Variants in HCRTR2 observed in about 807,000 individuals in gnomAD.
HCRTR2 encodes orexin receptor type 2.
A neutral mutation model predicts 49.0 loss-of-function variants in HCRTR2; 22 were observed. That is an observed-to-expected ratio of 0.45 (90% CI 0.32 to 0.64). HCRTR2 has a LOEUF of 0.64. Among genes scored for constraint, HCRTR2 ranks in the 30% least tolerant of loss-of-function variants. The pLI, the probability that HCRTR2 is intolerant of heterozygous loss-of-function variation, is 0.04. For missense variants in HCRTR2, 491 were observed against 559.4 expected, an observed-to-expected ratio of 0.88 and a Z score of 1.23; for synonymous variants, 236 against 205.3, an observed-to-expected ratio of 1.15 and a Z score of -1.28.
chr6:55,133,391 AC>A (rs796455558), intron 1 of HCRTR2, among the ~76,000 whole-genome samples: 39 of 135,400 alleles, frequency 2.9e-4, no homozygotes, highest in African/African-American at 6.7e-4. Context: ...ACACAAAAAA[AC>A]ACACACACAC....
intron 1 of HCRTR2, chr6:55,240,707 CT>C: frequency 5.8e-6 from 2 of 342,164 alleles, no homozygotes; most frequent in Non-Finnish European, 5.8e-6. Context: ...TTTGTTTTAC[CT>C]TTTTAAGATA....
rs182708313 is a variant in HCRTR2 at position 55,207,966 on chromosome 6, T to C, written c.223+33156T>C. Among the ~76,000 whole-genome samples the C allele has an allele frequency of 5.9e-5, 9 of 152,324 alleles. No homozygotes were observed. The East Asian group carries it at 1.5e-3, about 26-fold the overall frequency. ...CCTAGAACAAATTTAGCTTTTAATA[T>C]CTTGTCAACTTTTTTGTTTTAGTAT... On this transcript the variant is annotated intron_variant, in intron 1 of 6. Transcript: ENST00000370862.
At chr6:55,169,941 A>G (rs1764924938), upstream of HCRTR2, among the ~76,000 whole-genome samples, 2 of 152,066 alleles carry the variant, frequency 1.3e-5, no homozygotes, top group South Asian at 2.1e-4. Flanking sequence ...TGAAATGCAT[A>G]TAGAAAGTTA....
chr6:55,227,565 A>C (rs1213687354), intron 1 of HCRTR2, among the ~76,000 whole-genome samples: 1 of 152,232 alleles, frequency 6.6e-6, no homozygotes, highest in Non-Finnish European at 1.5e-5. Flanking sequence ...CCTGTGTATT[A>C]CATACAATCA....
At chr6:55,251,528 A>G (rs1581857551) in intron 2 of HCRTR2, among the ~76,000 whole-genome samples, 2 of 151,770 alleles carry the variant, frequency 1.3e-5, no homozygotes, top group South Asian at 4.2e-4. Flanking sequence ...GATTTTTTTT[A>G]ACTGCAGAAG....
intron 1 of HCRTR2, among the ~76,000 whole-genome samples, chr6:55,120,944 T>A (rs1427064533): frequency 6.6e-6 from 1 of 152,048 alleles, no homozygotes; most frequent in Non-Finnish European, 1.5e-5. Flanking sequence ...CTTAGGATTG[T>A]CTTGGCAATG....
chr6:55,244,190 G>A (rs1311649671), intron 1 of HCRTR2, among the ~76,000 whole-genome samples: 3 of 151,998 alleles, frequency 2.0e-5, no homozygotes, highest in Non-Finnish European at 2.9e-5. Flanking sequence ...TGAGAATTTT[G>A]TACTGTCCAG....
chr6:55,121,671 A>G (rs902323682), intron 1 of HCRTR2, among the ~76,000 whole-genome samples: 6 of 152,030 alleles, frequency 3.9e-5, no homozygotes, highest in East Asian at 3.9e-4. Flanking sequence ...TTAGCATGAA[A>G]GGCTGTTGAA....
At chr6:55,230,468 A>G (rs2127299681) in intron 1 of HCRTR2, among the ~76,000 whole-genome samples, 1 of 152,314 alleles carries the variant, frequency 6.6e-6, no homozygotes, top group Admixed American at 6.5e-5. Context: ...GTATAATCTA[A>G]ATTAAAGAAA....
intron 1 of HCRTR2, among the ~76,000 whole-genome samples, chr6:55,157,563 C>T (rs1764747188): frequency 6.6e-6 from 1 of 152,174 alleles, no homozygotes; most frequent in African/African-American, 2.4e-5. Context: ...TAGCAGTTAC[C>T]ATGGGCATTA....
chr6:55,116,922 C>G (rs558267617), intron 1 of HCRTR2, among the ~76,000 whole-genome samples: 2 of 151,822 alleles, frequency 1.3e-5, no homozygotes, highest in South Asian at 2.1e-4. Context: ...GCTAAACGTG[C>G]TTTCCTCACT....
intron 1 of HCRTR2, among the ~76,000 whole-genome samples, chr6:55,166,955 A>AAATGTTATGATT (rs1367326235): frequency 1.9e-5 from 1 of 53,794 alleles, no homozygotes; most frequent in Non-Finnish European, 3.6e-5. Flanking sequence ...ACAAAACCCA[A>AAATGTTATGATT]CATTTAAAGG....
chr6:55,274,120 T>C (rs1404365667), intron 4 of HCRTR2, among the ~76,000 whole-genome samples: 5 of 151,214 alleles, frequency 3.3e-5, no homozygotes, highest in Admixed American at 6.6e-5. Flanking sequence ...ATTAACTCTA[T>C]AGATCAATTT....
At chr6:55,217,057 C>T (rs1444305700) in intron 1 of HCRTR2, among the ~76,000 whole-genome samples, 1 of 152,008 alleles carries the variant, frequency 6.6e-6, no homozygotes, top group African/African-American at 2.4e-5. Context: ...GCCTCTTGAG[C>T]CAGTTGGAGT....
At chr6:55,124,685 G>A (rs1225346490) in intron 1 of HCRTR2, among the ~76,000 whole-genome samples, 1 of 152,116 alleles carries the variant, frequency 6.6e-6, no homozygotes, top group East Asian at 1.9e-4. Flanking sequence ...CTGTCTCATT[G>A]ATCTGTTTAA....
chr6:55,266,472 T>C (rs1027691677), intron 4 of HCRTR2, among the ~76,000 whole-genome samples: 2 of 152,146 alleles, frequency 1.3e-5, no homozygotes, highest in African/African-American at 4.8e-5. Context: ...AGAAATGGAT[T>C]AGAATCTGAA....
chr6:55,255,495 A>T, intron 3 of HCRTR2, 116 bp downstream of exon 3: 1 of 1,247,786 alleles, frequency 8.0e-7, no homozygotes, highest in South Asian at 1.2e-5. Context: ...TTGTGAATAC[A>T]GTTTTGCAAG....
intron 1 of HCRTR2, among the ~76,000 whole-genome samples, chr6:55,198,395 A>C (rs1765455829): frequency 6.6e-6 from 1 of 152,118 alleles, no homozygotes; most frequent in African/African-American, 2.4e-5. Context: ...ATTAACCCCA[A>C]CACTATCTCA....
chr6:55,107,419 T>C (rs1485077130), intron 1 of HCRTR2, among the ~76,000 whole-genome samples: 1 of 152,114 alleles, frequency 6.6e-6, no homozygotes, highest in Non-Finnish European at 1.5e-5. Context: ...TAGGTATCTT[T>C]ATTTTTATCT....
Sources: gnomAD v4.1 joint callset for allele counts (sites outside exome capture counted in the v4.1 genomes callset) on GRCh38, gnomAD v4.1.1 for gene constraint, MANE v1.5 for transcripts, NCBI Gene and HGNC (gene_info 2026-07-23, HGNC 2026-07-21) for gene names.